The following FSTL5 variants were observed in gnomAD, a reference collection of about 807,000 sequenced individuals.
The protein encoded by FSTL5 is follistatin-related protein 5.
In FSTL5, 62 loss-of-function variants were observed where a neutral mutation model predicts 89.1. The observed-to-expected ratio is 0.70, with a 90% CI of 0.57 to 0.86. The LOEUF is 0.86. Among genes scored for constraint, FSTL5 ranks in the 40% least tolerant of loss-of-function variants. The probability of loss-of-function intolerance (pLI) is 0.00; values close to 1 mark genes in which losing one functional copy is unlikely to be tolerated. For missense variants in FSTL5, 1,057 were observed against 1,001.6 expected (o/e 1.06, Z -0.75); for synonymous variants, 383 against 346.2 (o/e 1.11, Z -1.18).
intron 2 of FSTL5, among the ~76,000 whole-genome samples, chr4:162,106,764 C>T (rs1731242356): frequency 6.6e-6 from 1 of 152,216 alleles, no homozygotes; most frequent in African/African-American, 2.4e-5. Context: ...AATGAAATAA[C>T]CAACAACTCC....
chr4:161,607,516 A>G (rs62328845), intron 7 of FSTL5, among the ~76,000 whole-genome samples: 26,074 of 152,130 alleles, frequency 0.17, 2,738 homozygotes, highest in Non-Finnish European at 0.21. Context: ...TTAAAAATGT[A>G]AAGTATTAAA....
intron 3 of FSTL5, among the ~76,000 whole-genome samples, chr4:161,943,229 A>T (rs2110929103): frequency 6.6e-6 from 1 of 152,170 alleles, no homozygotes; most frequent in East Asian, 1.9e-4. Flanking sequence ...AAGACTAAAT[A>T]TTAAGACTGC....
chr4:161,927,488 C>G (rs1052502336), intron 3 of FSTL5, among the ~76,000 whole-genome samples: 4 of 151,386 alleles, frequency 2.6e-5, no homozygotes, highest in Non-Finnish European at 3.0e-5. Context: ...TAAAGTCAGT[C>G]CAGCAATATG....
intron 15 of FSTL5, among the ~76,000 whole-genome samples, chr4:161,408,512 T>G (rs1185469341): frequency 6.6e-6 from 1 of 152,172 alleles, no homozygotes; most frequent in Non-Finnish European, 1.5e-5. Flanking sequence ...CAATTCAAAG[T>G]CATAGTATCC....
chr4:161,695,867 T>C (rs1348246089), intron 6 of FSTL5, among the ~76,000 whole-genome samples: 1 of 152,162 alleles, frequency 6.6e-6, no homozygotes, highest in Non-Finnish European at 1.5e-5. Context: ...TAGTCCTTTG[T>C]TGGATGTATA....
At chr4:162,112,775 T>TCTCA (rs1554000431) in intron 1 of FSTL5, among the ~76,000 whole-genome samples, 1 of 139,328 alleles carries the variant, frequency 7.2e-6, no homozygotes, top group Non-Finnish European at 1.6e-5. Context: ...ACCGACACAA[T>TCTCA]CACACACACA....
chr4:161,840,364 A>G (rs187508876), intron 4 of FSTL5, among the ~76,000 whole-genome samples: 45 of 152,348 alleles, frequency 3.0e-4, no homozygotes, highest in African/African-American at 1.0e-3. Context: ...AAAAATTTAG[A>G]AGAAATTGGA....
chr4:161,450,274 T>C (rs1224847219), intron 15 of FSTL5, among the ~76,000 whole-genome samples: 21 of 152,344 alleles, frequency 1.4e-4, no homozygotes, highest in Non-Finnish European at 2.5e-4. Flanking sequence ...GATCTTAATT[T>C]ATTATGCAAA....
At chr4:161,707,446 A>T (rs1339416207) in intron 6 of FSTL5, among the ~76,000 whole-genome samples, 4 of 151,932 alleles carry the variant, frequency 2.6e-5, no homozygotes, top group Admixed American at 6.6e-5. Context: ...AAAACTTTGA[A>T]ATCATGCATC....
At chr4:161,756,945 T>A (rs1740590466) in intron 6 of FSTL5, among the ~76,000 whole-genome samples, 3 of 152,196 alleles carry the variant, frequency 2.0e-5, no homozygotes, top group Admixed American at 2.0e-4. Context: ...TGCCTACTTC[T>A]GTTAGTCAAG....
chr4:162,022,049 C>T (rs1486507275), intron 3 of FSTL5, among the ~76,000 whole-genome samples: 1 of 151,072 alleles, frequency 6.6e-6, no homozygotes, highest in African/African-American at 2.4e-5. Context: ...CGAGATTGCA[C>T]CAGTGCACTC....
chr4:161,937,999 T>C (rs1226988251), intron 3 of FSTL5, among the ~76,000 whole-genome samples: 1 of 152,162 alleles, frequency 6.6e-6, no homozygotes, highest in Non-Finnish European at 1.5e-5. Flanking sequence ...ATAGGTCTCA[T>C]CTTACATGAC....
chr4:161,920,904 T>G (rs1367885389), intron 3 of FSTL5, among the ~76,000 whole-genome samples: 1 of 152,062 alleles, frequency 6.6e-6, no homozygotes, highest in Non-Finnish European at 1.5e-5. Flanking sequence ...AGTGTAGTGC[T>G]TAATGACAAG....
intron 8 of FSTL5, among the ~76,000 whole-genome samples, chr4:161,544,782 G>T (rs1358326485): frequency 6.6e-6 from 1 of 151,964 alleles, no homozygotes; most frequent in East Asian, 1.9e-4. Context: ...ATATTACTAA[G>T]AGAACTGACA....
In FSTL5 at chr4:161,843,641, A is replaced by G. The variant is rs555116353; in HGVS notation, c.410-67567T>C. ...AAAGAGGCCTCAGAAATACTGCCAC[A>G]CATCTACAACTATCTGATCTTTGAC... On this transcript the variant is annotated intron_variant, in intron 4 of 15. Transcript: ENST00000306100. Among the ~76,000 whole-genome samples, 183 of 152,284 alleles carry G rather than the reference A, an allele frequency of 1.2e-3. 2 individuals carry two copies. Among genetic ancestry groups the G allele is most frequent in the African/African-American group, 3.8e-3 (160 of 41,576 alleles).
At chr4:161,696,015 C>T (rs988801010) in intron 6 of FSTL5, among the ~76,000 whole-genome samples, 17 of 152,056 alleles carry the variant, frequency 1.1e-4, no homozygotes, top group Non-Finnish European at 2.1e-4. Context: ...TTGGGTTCTT[C>T]GTCATGAAAT....
At chr4:161,870,018 T>C (rs1019846136) in intron 4 of FSTL5, among the ~76,000 whole-genome samples, 4 of 152,238 alleles carry the variant, frequency 2.6e-5, no homozygotes, top group African/African-American at 9.6e-5. Context: ...CTCTGATTAA[T>C]ATCAACAGTC....
intron 15 of FSTL5, among the ~76,000 whole-genome samples, chr4:161,413,047 CAAAAACGAACAATGGGACCTTTTT>C (rs1416218725): frequency 6.6e-6 from 1 of 151,864 alleles, no homozygotes; most frequent in African/African-American, 2.4e-5. Context: ...GCGATAAAAA[CAAAAACGAACAATGGGACCTTTTT>C]AAGCTAAAGA....
rs768549496 is a variant in FSTL5, at chr4:161,656,467, T to C, written c.755A>G (p.Asp252Gly). Residue 252 changes from aspartate to glycine, a missense_variant, in exon 7 of 16, where the codon GAT becomes GGT. Asp to Gly is a moderately conservative substitution (Grantham distance 94). This residue lies in a region of FSTL5 where 980 missense variants were observed against 903.2 expected (regional missense o/e 1.08). Coordinates refer to ENST00000306100, the MANE Select transcript of FSTL5 (RefSeq NM_020116.5). Reference protein sequence around the residue: ...FQVIQLSLPEDQKLSITAATV... With the variant: ...FQVIQLSLPEGQKLSITAATV... ...TGCTGCAGTGATGCTTAGTTTCTGA[T>C]CTTCTGGCAGACTCAACTGGATCAC... is the stretch of plus-strand genomic sequence containing the variant. The C allele has an allele frequency of 1.3e-5, 20 of 1,596,444 alleles. No individual in the cohort carries two copies. Among genetic ancestry groups the C allele is most frequent in the Middle Eastern group, 1.7e-4 (1 of 5,982 alleles).
Sources: allele counts gnomAD v4.1 joint callset (sites outside exome capture counted in the v4.1 genomes callset), GRCh38; gene constraint gnomAD v4.1.1; regional missense constraint gnomAD v4.1.1; transcripts MANE v1.5; gene names NCBI Gene and HGNC (gene_info 2026-07-23, HGNC 2026-07-21).